The following CHEK2 variants were observed in gnomAD, a reference collection of about 807,000 sequenced individuals.
CHEK2 encodes serine/threonine-protein kinase Chk2.
Under a neutral mutation model 69.1 loss-of-function variants are expected in CHEK2, and 71 were observed. That is an observed-to-expected ratio of 1.03 (90% confidence interval 0.85 to 1.25). CHEK2 has a LOEUF of 1.25. CHEK2 is among the 50% of genes most tolerant of loss of function. The probability of loss-of-function intolerance (pLI) is 0.00; values close to 1 mark genes in which losing one functional copy is unlikely to be tolerated. For synonymous variants in CHEK2, 189 were observed against 226.9 expected (o/e 0.83, Z 1.50); for missense variants, 664 against 649.6 (o/e 1.02, Z -0.24).
chr22:28,709,799 G>A (rs1446108447), intron 7 of CHEK2, among the ~76,000 whole-genome samples: 2 of 151,990 alleles, frequency 1.3e-5, no homozygotes, highest in Non-Finnish European at 2.9e-5. Flanking sequence ...TGTATTTTTA[G>A]TAGACAGGGT....
rs145742750 is a variant in CHEK2 at position 28,701,782 on chromosome 22, C to G, written c.908+1723G>C. Among the ~76,000 whole-genome samples, 31 of 152,222 alleles carry G rather than the reference C, an allele frequency of 2.0e-4. No homozygotes were observed. In the East Asian group the frequency reaches 6.0e-3, roughly 29 times the overall value. ...GCAACCTGGTCCTGGATTGAAAGGACCCGCATAGAAAGTCCTACCCAGGTA... is the reference window on the plus strand; with the variant it reads ...GCAACCTGGTCCTGGATTGAAAGGAGCCGCATAGAAAGTCCTACCCAGGTA... On this transcript the variant is annotated intron_variant, in intron 8 of 14. Transcript: ENST00000404276.
intron 7 of CHEK2, among the ~76,000 whole-genome samples, chr22:28,708,402 T>TGTGTGTG (rs1569135425): frequency 1.5e-4 from 22 of 146,926 alleles, no homozygotes; most frequent in South Asian, 2.2e-4. Context: ...TGTGTGTGTG[T>TGTGTGTG]TAAAGAGAGA....
chr22:28,704,159 CA>C (rs1484325559), intron 7 of CHEK2, among the ~76,000 whole-genome samples: 12 of 141,372 alleles, frequency 8.5e-5, no homozygotes, highest in South Asian at 7.0e-4. Context: ...CACACACACA[CA>C]CACCTATGGC....
In CHEK2 at chr22:28,730,359, G is replaced by GA. The variant is rs2054174031; in HGVS notation, c.319+4043dup. ...AAAGGAAAAAAGAAAGGGGAAAGGG[G>GA]AAAGGAAAAGGAAAAGGGAAAGAGA... On this transcript the variant is annotated intron_variant, in intron 2 of 14. Transcript: ENST00000404276. 6.0e-6 allele frequency: 3 copies of GA among 502,356 alleles called. No homozygotes were observed. In the African/African-American group the frequency reaches 6.0e-5, roughly 10 times the overall value. The allele number at this position is 502,356 out of a possible 1,614,324, so 31.1% of individuals were successfully genotyped here. A position where few individuals can be genotyped will look rare whatever the true frequency, so the allele number is the denominator to read the frequency against.
intron 2 of CHEK2, chr22:28,729,271 C>T (rs1427649538): frequency 7.5e-6 from 2 of 267,936 alleles, no homozygotes; most frequent in Non-Finnish European, 7.5e-6. Flanking sequence ...ACGCCAGGCG[C>T]GGTGGCTCAC....
chr22:28,713,767 G>C (rs1055681573), intron 5 of CHEK2, among the ~76,000 whole-genome samples: 1 of 151,930 alleles, frequency 6.6e-6, no homozygotes, highest in African/African-American at 2.4e-5. Flanking sequence ...TACAACCTCT[G>C]CCTCCTGGCT....
intron 9 of CHEK2, among the ~76,000 whole-genome samples, chr22:28,699,502 C>T (rs113164920): frequency 0.022 from 3,254 of 151,208 alleles, 42 homozygotes; most frequent in Non-Finnish European, 0.027. Flanking sequence ...GTAGCTGGGA[C>T]TACAGGCACG....
At chr22:28,708,187 A>G (rs2053229642) in intron 7 of CHEK2, among the ~76,000 whole-genome samples, 1 of 151,782 alleles carries the variant, frequency 6.6e-6, no homozygotes, top group Non-Finnish European at 1.5e-5. Context: ...CACCCCAGAA[A>G]ATTGGAGGGC....
intron 7 of CHEK2, among the ~76,000 whole-genome samples, chr22:28,706,908 T>G (rs1235451711): frequency 6.6e-6 from 1 of 152,002 alleles, no homozygotes; most frequent in Non-Finnish European, 1.5e-5. Flanking sequence ...AGACGGAGAC[T>G]CCATCTCATA....
intron 4 of CHEK2, among the ~76,000 whole-genome samples, chr22:28,720,494 T>C (rs2053738375): frequency 1.3e-5 from 2 of 152,196 alleles, no homozygotes. Flanking sequence ...CTGTGATAAA[T>C]TATCAAATAT....
Position 28,689,168 on chromosome 22 carries a change from A to T in CHEK2, c.1509T>A (p.Asn503Lys). 6.3e-7 allele frequency: 1 copy of T among 1,595,386 alleles called. No individual in the cohort carries two copies. The highest frequency in any genetic ancestry group is 1.1e-5 in the South Asian group (1 of 90,958). ...GAACCTGGGGTAGAGCTGTGGATTCATTTTCCTCAGACAGAAGATCTTGAA... is the reference window on the plus strand; with the variant it reads ...GAACCTGGGGTAGAGCTGTGGATTCTTTTTCCTCAGACAGAAGATCTTGAA... ...RKFQDLLSEE[N>K]ESTALPQVLA... Residue 503 changes from asparagine (N) to lysine (K), a missense_variant, in exon 14 of 15, where the codon AAT becomes AAA. Transcript: ENST00000404276.
chr22:28,725,836 G>A lies in CHEK2; in HGVS notation c.320-469C>T, dbSNP rs1056453110. Among the ~76,000 whole-genome samples the A allele has an allele frequency of 2.0e-5, 3 of 151,396 alleles. No individual in the cohort carries two copies. In the South Asian group the frequency reaches 6.3e-4, roughly 32 times the overall value. On this transcript the variant is annotated intron_variant, in intron 2 of 14. Transcript: ENST00000404276. ...AGGTGGGAGGATCGCTTGAGCCCAG[G>A]AGGTCGAGGCTGCAGTGAGCTGAGA...
At chr22:28,723,337 G>T (rs17878926) in intron 4 of CHEK2, among the ~76,000 whole-genome samples, 1 of 152,130 alleles carries the variant, frequency 6.6e-6, no homozygotes, top group East Asian at 1.9e-4. Context: ...GGTGGCTCAC[G>T]CCTGTAATCC....
intron 7 of CHEK2, among the ~76,000 whole-genome samples, chr22:28,706,282 A>G (rs2053136968): frequency 6.8e-6 from 1 of 147,096 alleles, no homozygotes; most frequent in Admixed American, 7.0e-5. Context: ...GCCTGGCAAC[A>G]GAGCAACACT....
intron 5 of CHEK2, among the ~76,000 whole-genome samples, chr22:28,713,422 T>A (rs1306470987): frequency 6.7e-6 from 1 of 148,294 alleles, no homozygotes; most frequent in Non-Finnish European, 1.5e-5. Context: ...TGCAGTGGCG[T>A]GATCTCGGCT....
rs2052571045 is a variant in CHEK2 at position 28,695,963 on chromosome 22, T to C, written c.1096-90A>G. 5.0e-6 allele frequency: 5 copies of C among 999,656 alleles called. No individual in the cohort carries two copies. The South Asian group carries it at 5.3e-5, about 11-fold the overall frequency. The allele number at this position is 999,656 out of a possible 1,614,324, so 61.9% of individuals were successfully genotyped here. ...TGCCAGTCCAAGAAGACACGTAGGC[T>C]AGATCAGTTTCTATTGTACAATTCA... On this transcript the variant is annotated intron_variant, in intron 10 of 14. Coordinates refer to ENST00000404276, the MANE Select transcript of CHEK2 (RefSeq NM_007194.4).
In CHEK2 at chr22:28,741,105, G is replaced by A. The variant is rs1301620190; in HGVS notation, c.-7+664C>T. On this transcript the variant is annotated intron_variant, in intron 1 of 14. Coordinates refer to ENST00000404276, the MANE Select transcript of CHEK2 (RefSeq NM_007194.4). ...GCAGAAGTTGCAGTGAGCCCAGATCGCGCCACTGCACTCCAGCCTGGCAAC... is the reference window on the plus strand; with the variant it reads ...GCAGAAGTTGCAGTGAGCCCAGATCACGCCACTGCACTCCAGCCTGGCAAC... 5.0e-5 allele frequency among the ~76,000 whole-genome samples: 7 copies of A among 138,998 alleles called. No homozygotes were observed. In the South Asian group the frequency reaches 1.4e-3, roughly 27 times the overall value. 91.2% of individuals were successfully genotyped at this position (138,998 alleles called of 152,430 possible).
At chr22:28,695,567 G>C (rs2052541417) in intron 11 of CHEK2, 143 bp downstream of exon 11, 1 of 747,392 alleles carries the variant, frequency 1.3e-6, no homozygotes, top group Non-Finnish European at 2.4e-6. Flanking sequence ...TGAGGTGGGA[G>C]GATCACTTGA....
chr22:28,705,611 G>A (rs1303151429), intron 7 of CHEK2, among the ~76,000 whole-genome samples: 1 of 151,914 alleles, frequency 6.6e-6, no homozygotes, highest in East Asian at 1.9e-4. Flanking sequence ...ATTATTTAGG[G>A]ATACACATAT....
Sources: gnomAD v4.1 joint callset for allele counts (sites outside exome capture counted in the v4.1 genomes callset) on GRCh38, gnomAD v4.1.1 for gene constraint, MANE v1.5 for transcripts, NCBI Gene and HGNC (gene_info 2026-07-23, HGNC 2026-07-21) for gene names.